Variants in MKLN1 observed in about 807,000 individuals in gnomAD.
The protein encoded by MKLN1 is muskelin.
A neutral mutation model predicts 99.0 loss-of-function variants in MKLN1; 18 were observed. That is an observed-to-expected ratio of 0.18 (90% confidence interval 0.13 to 0.27). The LOEUF is 0.27. Ranked by LOEUF, MKLN1 falls within the 10% of genes least tolerant of loss-of-function variation. The pLI is 1.00. For missense variants in MKLN1, 621 were observed against 875.9 expected (o/e 0.71, Z 3.67); for synonymous variants, 288 against 293.2 (o/e 0.98, Z 0.18).
intron 4 of MKLN1, among the ~76,000 whole-genome samples, chr7:131,395,711 G>A (rs1794340964): frequency 6.6e-6 from 1 of 151,018 alleles, no homozygotes; most frequent in South Asian, 2.1e-4. Context: ...AATAACTAGT[G>A]TTGTTATTAA....
chr7:131,300,583 A>T (rs1222844137), intron 3 of MKLN1, among the ~76,000 whole-genome samples: 1 of 150,412 alleles, frequency 6.6e-6, no homozygotes, highest in Non-Finnish European at 1.5e-5. Context: ...GCTACTCCAG[A>T]GGCTAAGGCA....
chr7:131,337,604 G>C (rs979636560), intron 1 of MKLN1, among the ~76,000 whole-genome samples: 2 of 151,530 alleles, frequency 1.3e-5, no homozygotes, highest in African/African-American at 2.4e-5. Context: ...TGTATTTTTT[G>C]AGCATATTAA....
chr7:131,297,400 A>G (rs903351696), intron 3 of MKLN1, among the ~76,000 whole-genome samples: 3 of 127,344 alleles, frequency 2.4e-5, no homozygotes, highest in Admixed American at 8.7e-5. Flanking sequence ...GTGTATATAT[A>G]TACACAAATA....
intron 3 of MKLN1, among the ~76,000 whole-genome samples, chr7:131,279,845 G>T (rs1165135122): frequency 6.6e-6 from 1 of 151,878 alleles, no homozygotes; most frequent in Admixed American, 6.6e-5. Context: ...ATAGTTCAAT[G>T]GTTTTTTTAC....
At chr7:131,153,014 G>A (rs1211000494) in intron 2 of MKLN1, among the ~76,000 whole-genome samples, 1 of 147,414 alleles carries the variant, frequency 6.8e-6, no homozygotes, top group South Asian at 2.2e-4. Flanking sequence ...GGCTTAATCA[G>A]ATTCATATAT....
intron 2 of MKLN1, among the ~76,000 whole-genome samples, chr7:131,161,895 G>GT (rs1254966971): frequency 6.9e-6 from 1 of 145,846 alleles, no homozygotes; most frequent in Non-Finnish European, 1.5e-5. Flanking sequence ...TGAACACATT[G>GT]TTTTTTTCAC....
In MKLN1 at chr7:131,462,415, G is replaced by A. The variant is rs561651551; in HGVS notation, c.1526-802G>A. ...CTCTGACCTTATTAAGCAACGCTGC[G>A]TTTTACCTTTTATCAAATTTTTTTT... On this transcript the variant is annotated intron_variant, in intron 12 of 17. Coordinates refer to ENST00000352689, the MANE Select transcript of MKLN1 (RefSeq NM_013255.5). Among the ~76,000 whole-genome samples, 16 of 152,236 alleles carry A rather than the reference G, an allele frequency of 1.1e-4. No homozygotes were observed. The South Asian group carries it at 1.7e-3, about 16-fold the overall frequency.
chr7:131,240,890 C>T (rs1208895533), intron 3 of MKLN1, among the ~76,000 whole-genome samples: 2 of 152,176 alleles, frequency 1.3e-5, no homozygotes, highest in African/African-American at 4.8e-5. Context: ...ACCTTACAGA[C>T]CTGGTGAATC....
In MKLN1 at chr7:131,489,036, G is replaced by A. The variant is rs1797359286; in HGVS notation, c.*1308G>A. 1 of 152,100 alleles carries A rather than the reference G, an allele frequency of 6.6e-6. No individual in the cohort carries two copies. The highest frequency in any genetic ancestry group is 1.9e-4 in the East Asian group (1 of 5,186). The allele number at this position is 152,100 out of a possible 1,614,324, so 9.4% of individuals were successfully genotyped here. On this transcript the variant is annotated 3_prime_UTR_variant, in exon 18 of 18. Transcript: ENST00000352689. ...TGAAGCTGACTGCCACCATGCTAAA[G>A]CAGATTCATATTAAGAAGTGTCGGT...
chr7:131,121,223 A>G (rs1024690157), intron 1 of MKLN1, among the ~76,000 whole-genome samples: 15 of 152,142 alleles, frequency 9.9e-5, no homozygotes, highest in Non-Finnish European at 8.8e-5. Context: ...CATGAACAGC[A>G]AGGGGGAAAT....
intron 2 of MKLN1, among the ~76,000 whole-genome samples, chr7:131,185,774 T>C (rs1344727590): frequency 6.6e-6 from 1 of 152,162 alleles, no homozygotes; most frequent in Non-Finnish European, 1.5e-5. Context: ...GAAATGGTGA[T>C]AATTATACCA....
chr7:131,187,225 G>C (rs1202932610), intron 2 of MKLN1, among the ~76,000 whole-genome samples: 1 of 152,142 alleles, frequency 6.6e-6, no homozygotes, highest in Non-Finnish European at 1.5e-5. Flanking sequence ...GATTTGTTCA[G>C]TGTCATACTT....
In MKLN1 at chr7:131,481,953, G is replaced by A. The variant is rs543305447; in HGVS notation, c.2086+3276G>A. Among the ~76,000 whole-genome samples, 11 of 152,222 alleles carry A rather than the reference G, an allele frequency of 7.2e-5. No individual in the cohort carries two copies. In the South Asian group the frequency reaches 2.1e-3, roughly 29 times the overall value. On this transcript the variant is annotated intron_variant, in intron 17 of 17. Coordinates refer to ENST00000352689, the MANE Select transcript of MKLN1 (RefSeq NM_013255.5). ...AAAATTTTAAAGAATCAGAAAGATG[G>A]AAGGTGACATTATCTTAGTTTTGGA...
At chr7:131,245,517 C>A (rs1414796803) in intron 3 of MKLN1, among the ~76,000 whole-genome samples, 1 of 152,102 alleles carries the variant, frequency 6.6e-6, no homozygotes, top group Non-Finnish European at 1.5e-5. Context: ...ATCCGCGCCC[C>A]CCGCCCCCGG....
intron 6 of MKLN1, among the ~76,000 whole-genome samples, chr7:131,405,243 C>G (rs1395649466): frequency 6.6e-6 from 1 of 151,694 alleles, no homozygotes; most frequent in Non-Finnish European, 1.5e-5. Flanking sequence ...ATTTTTCCAT[C>G]AGCACATGTT....
At chr7:131,224,338 G>C (rs1363655131) in intron 3 of MKLN1, among the ~76,000 whole-genome samples, 4 of 87,742 alleles carry the variant, frequency 4.6e-5, no homozygotes, top group Non-Finnish European at 1.1e-4. Flanking sequence ...CTTAGGTCAG[G>C]AGTTTAAGAC....
chr7:131,370,993 G>A (rs1047819240), intron 1 of MKLN1, among the ~76,000 whole-genome samples: 6 of 152,006 alleles, frequency 3.9e-5, no homozygotes, highest in African/African-American at 1.2e-4. Context: ...ACCTCACTCC[G>A]TTTCTGGTCT....
chr7:131,392,292 G>A (rs1027642414), intron 4 of MKLN1, among the ~76,000 whole-genome samples: 1 of 152,108 alleles, frequency 6.6e-6, no homozygotes, highest in Non-Finnish European at 1.5e-5. Context: ...CTGCAGCCTG[G>A]ATGATTGTGG....
rs147940774 is a variant in MKLN1 at position 131,252,881 on chromosome 7, G to A, written c.-179+49907G>A. 4.0e-3 allele frequency among the ~76,000 whole-genome samples: 604 copies of A among 152,230 alleles called. 1 individual carries two copies. The highest frequency in any genetic ancestry group is 6.3e-3 in the Non-Finnish European group (426 of 68,012). On this transcript the variant is annotated intron_variant, in intron 3 of 7. Transcript: ENST00000416992. Reference sequence around the variant, plus strand: ...GAGGGTAATCTATTAACACATTTATGTCCAAATTCACCTTTAATTTAGTGT... The same window carrying A: ...GAGGGTAATCTATTAACACATTTATATCCAAATTCACCTTTAATTTAGTGT...
Sources: gnomAD v4.1 joint callset for allele counts (sites outside exome capture counted in the v4.1 genomes callset) on GRCh38, gnomAD v4.1.1 for gene constraint, MANE v1.5 for transcripts, NCBI Gene and HGNC (gene_info 2026-07-23, HGNC 2026-07-21) for gene names.